Variants in PGM5 observed in about 807,000 individuals in gnomAD.
PGM5 encodes the protein phosphoglucomutase-like protein 5.
A neutral mutation model predicts 59.2 loss-of-function variants in PGM5; 23 were observed. That is an observed-to-expected ratio of 0.39 (90% CI 0.28 to 0.55). PGM5 has a LOEUF of 0.55. Ranked by LOEUF, PGM5 falls within the 20% of genes least tolerant of loss-of-function variation. The pLI, the probability that PGM5 is intolerant of heterozygous loss-of-function variation, is 0.66. For missense variants in PGM5, 574 were observed against 748.3 expected (o/e 0.77, Z 2.72); for synonymous variants, 214 against 286.0 (o/e 0.75, Z 2.54).
chr9:68,510,126 G>A (rs145078043), intron 10 of PGM5, among the ~76,000 whole-genome samples: 75 of 149,996 alleles, frequency 5.0e-4, no homozygotes, highest in Middle Eastern at 3.5e-3. Flanking sequence ...CTGATACAAA[G>A]GTTGGGCTTT....
At chr9:68,418,973 T>A (rs1394924178) in intron 6 of PGM5, among the ~76,000 whole-genome samples, 2 of 152,106 alleles carry the variant, frequency 1.3e-5, no homozygotes, top group African/African-American at 2.4e-5. Flanking sequence ...GTGGTAAAGA[T>A]CAGGTGGCCC....
chr9:68,523,850 G>C (rs1045946507), intron 10 of PGM5, among the ~76,000 whole-genome samples: 4 of 152,154 alleles, frequency 2.6e-5, no homozygotes, highest in African/African-American at 9.7e-5. Flanking sequence ...TGCTTGATAA[G>C]TGATTATGAT....
intron 6 of PGM5, among the ~76,000 whole-genome samples, chr9:68,454,478 A>G (rs1554684630): frequency 6.6e-6 from 1 of 152,198 alleles, no homozygotes; most frequent in Non-Finnish European, 1.5e-5. Context: ...AGGGGGCTCC[A>G]TCTCAAAAAT....
chr9:68,406,155 G>A (rs1445415354), intron 6 of PGM5: 1 of 152,108 alleles, frequency 6.6e-6, no homozygotes, highest in African/African-American at 2.4e-5. Context: ...CAGACTACCT[G>A]GGGTTGAATT....
At chr9:68,409,455 G>C (rs373748058) in intron 6 of PGM5, among the ~76,000 whole-genome samples, 1 of 127,286 alleles carries the variant, frequency 7.9e-6, no homozygotes, top group Non-Finnish European at 1.6e-5. Context: ...ATTCACAATA[G>C]CAAAGACTTG....
chr9:68,423,437 A>G (rs1554682485), intron 6 of PGM5, among the ~76,000 whole-genome samples: 1 of 152,228 alleles, frequency 6.6e-6, no homozygotes, highest in East Asian at 1.9e-4. Context: ...GCGAAAATTT[A>G]AAAGAACACA....
chr9:68,445,037 T>C (rs782314903), intron 6 of PGM5, among the ~76,000 whole-genome samples: 2 of 152,164 alleles, frequency 1.3e-5, no homozygotes, highest in Non-Finnish European at 2.9e-5. Context: ...TCCCCTAATA[T>C]CCCTTTTTGT....
At chr9:68,373,353 T>C (rs543046507) in intron 1 of PGM5, among the ~76,000 whole-genome samples, 2 of 152,170 alleles carry the variant, frequency 1.3e-5, no homozygotes, top group Non-Finnish European at 2.9e-5. Context: ...TTTCCAGATA[T>C]CTAGAATTTA....
intron 4 of PGM5, among the ~76,000 whole-genome samples, chr9:68,390,301 A>G: frequency 6.6e-6 from 1 of 152,128 alleles, no homozygotes. Context: ...CTTTTTTTCC[A>G]AATAGTATGA....
At chr9:68,406,189 T>C (rs1822805208) in intron 6 of PGM5, 1 of 152,192 alleles carries the variant, frequency 6.6e-6, no homozygotes, top group South Asian at 2.1e-4. Context: ...CTTCTGACTT[T>C]ATGACCTTGG....
chr9:68,420,120 A>G (rs1823102891), intron 6 of PGM5, among the ~76,000 whole-genome samples: 1 of 152,170 alleles, frequency 6.6e-6, no homozygotes, highest in Non-Finnish European at 1.5e-5. Flanking sequence ...GGGCTCAGCC[A>G]TTCCTGCTGT....
At chr9:68,492,541 A>G (rs1008112690) in intron 9 of PGM5, among the ~76,000 whole-genome samples, 1 of 152,236 alleles carries the variant, frequency 6.6e-6, no homozygotes, top group African/African-American at 2.4e-5. Flanking sequence ...AGGGCAGCTG[A>G]GTATGGCTGT....
chr9:68,389,600 A>G (rs531247967), intron 4 of PGM5, among the ~76,000 whole-genome samples: 2 of 152,214 alleles, frequency 1.3e-5, no homozygotes, highest in East Asian at 1.9e-4. Context: ...TGCTGAGTAC[A>G]ATTTTATTGT....
intron 6 of PGM5, among the ~76,000 whole-genome samples, chr9:68,417,929 G>C (rs1225284218): frequency 6.6e-6 from 1 of 152,194 alleles, no homozygotes; most frequent in Non-Finnish European, 1.5e-5. Flanking sequence ...GGCAGTAACT[G>C]TTCCCTGTGT....
At chr9:68,391,763 AT>A in intron 5 of PGM5, 39 bp downstream of exon 5, 1 of 1,599,088 alleles carries the variant, frequency 6.3e-7, no homozygotes, top group East Asian at 2.2e-5. Context: ...CCCTTTGATC[AT>A]ATAATGAGCC....
chr9:68,433,288 G>C (rs1823384802), intron 6 of PGM5, among the ~76,000 whole-genome samples: 1 of 152,342 alleles, frequency 6.6e-6, no homozygotes, highest in Non-Finnish European at 1.5e-5. Flanking sequence ...AATGAGGAAA[G>C]TGGAACAGAA....
At chr9:68,410,376 T>C (rs2132038205) in intron 6 of PGM5, among the ~76,000 whole-genome samples, 1 of 152,302 alleles carries the variant, frequency 6.6e-6, no homozygotes, top group Admixed American at 6.5e-5. Context: ...GAGGGACAAC[T>C]AGCTGTCTGT....
intron 6 of PGM5, among the ~76,000 whole-genome samples, chr9:68,442,193 C>G (rs999369983): frequency 6.6e-6 from 1 of 152,092 alleles, no homozygotes; most frequent in Non-Finnish European, 1.5e-5. Flanking sequence ...TAGATATAAA[C>G]AAACTGGTTC....
At chr9:68,415,947 G>T (rs1305391332) in intron 6 of PGM5, among the ~76,000 whole-genome samples, 17 of 151,372 alleles carry the variant, frequency 1.1e-4, no homozygotes, top group African/African-American at 3.6e-4. Flanking sequence ...TATGTTTTCT[G>T]GGAGCTAGAA....
Sources: gnomAD v4.1 joint callset for allele counts (sites outside exome capture counted in the v4.1 genomes callset) on GRCh38, gnomAD v4.1.1 for gene constraint, MANE v1.5 for transcripts, NCBI Gene and HGNC (gene_info 2026-07-23, HGNC 2026-07-21) for gene names.